Variants in CALN1 observed in about 807,000 individuals in gnomAD.
CALN1 encodes the protein calneuron 1.
In CALN1, 17 loss-of-function variants were observed where a neutral mutation model predicts 30.6. The ratio of observed to expected loss-of-function variants is 0.56; its 90% CI spans 0.38 to 0.83. The LOEUF (loss-of-function observed/expected upper bound fraction) is 0.83. Among genes scored for constraint, CALN1 ranks in the 40% least tolerant of loss-of-function variants. The pLI is 0.00. For missense variants in CALN1, 291 were observed against 354.9 expected, an observed-to-expected ratio of 0.82 and a Z score of 1.45; for synonymous variants, 156 against 131.4, an observed-to-expected ratio of 1.19 and a Z score of -1.28.
At chr7:71,890,401 CTG>C (rs1445218099) in intron 5 of CALN1, among the ~76,000 whole-genome samples, 1 of 152,184 alleles carries the variant, frequency 6.6e-6, no homozygotes, top group Non-Finnish European at 1.5e-5. Flanking sequence ...TCCAACCAGA[CTG>C]TGACATAAAA....
At chr7:72,310,923 A>T (rs56676389) in intron 2 of CALN1, among the ~76,000 whole-genome samples, 13 of 128,384 alleles carry the variant, frequency 1.0e-4, no homozygotes, top group East Asian at 6.7e-4. Flanking sequence ...AAAAAAAAAA[A>T]AAAAACAAAA....
chr7:72,309,866 A>G (rs1307929136), intron 2 of CALN1, among the ~76,000 whole-genome samples: 1 of 152,124 alleles, frequency 6.6e-6, no homozygotes, highest in Non-Finnish European at 1.5e-5. Flanking sequence ...TTGAATCAGA[A>G]ACTTAACCTG....
At chr7:72,264,063 A>G (rs1193254271) in intron 3 of CALN1, among the ~76,000 whole-genome samples, 2 of 152,200 alleles carry the variant, frequency 1.3e-5, no homozygotes, top group Non-Finnish European at 1.5e-5. Context: ...GGAGTCCCTC[A>G]TGCTAAAAGT....
At chr7:71,895,095 CA>C (rs908624429) in intron 5 of CALN1, among the ~76,000 whole-genome samples, 1 of 152,140 alleles carries the variant, frequency 6.6e-6, no homozygotes, top group African/African-American at 2.4e-5. Context: ...GCTGAGACCA[CA>C]AGGGTACATC....
intron 5 of CALN1, among the ~76,000 whole-genome samples, chr7:71,911,644 G>A (rs1367758114): frequency 6.6e-6 from 1 of 152,096 alleles, no homozygotes; most frequent in Non-Finnish European, 1.5e-5. Context: ...CTGTGCAGGT[G>A]GGTGTACAGA....
chr7:72,108,754 G>A (rs1807352507), intron 3 of CALN1, among the ~76,000 whole-genome samples: 1 of 149,302 alleles, frequency 6.7e-6, no homozygotes, highest in African/African-American at 2.5e-5. Context: ...CATGCCGCAA[G>A]ACACAGACAT....
At chr7:71,895,111 C>G (rs1038471943) in intron 5 of CALN1, among the ~76,000 whole-genome samples, 2 of 152,234 alleles carry the variant, frequency 1.3e-5, no homozygotes, top group South Asian at 4.1e-4. Context: ...TACATCACCA[C>G]GTCCAGCTAA....
chr7:72,490,184 G>A, the CALN1 span, among the ~76,000 whole-genome samples: 9 of 152,294 alleles, frequency 5.9e-5, no homozygotes, highest in Non-Finnish European at 1.0e-4. Flanking sequence ...GTCGTCTATA[G>A]TGTGTCTTTC....
At chr7:71,848,169 C>A (rs1790430726) in intron 5 of CALN1, among the ~76,000 whole-genome samples, 3 of 152,118 alleles carry the variant, frequency 2.0e-5, no homozygotes, top group Admixed American at 2.0e-4. Flanking sequence ...TTGGGAATGC[C>A]AATTTTAAAG....
At chr7:72,032,355 T>TTTTA (rs1562993969) in intron 4 of CALN1, among the ~76,000 whole-genome samples, 1 of 152,262 alleles carries the variant, frequency 6.6e-6, no homozygotes, top group East Asian at 1.9e-4. Flanking sequence ...TACTCCTGGC[T>TTTTA]AATTTTTAAA....
At chr7:72,375,520 T>G (rs1259147506) in intron 2 of CALN1, among the ~76,000 whole-genome samples, 1 of 147,690 alleles carries the variant, frequency 6.8e-6, no homozygotes, top group Admixed American at 6.9e-5. Context: ...GAGCTGTGAC[T>G]GCACCACTGT....
chr7:71,978,661 G>A (rs1354571048), intron 5 of CALN1, among the ~76,000 whole-genome samples: 1 of 152,180 alleles, frequency 6.6e-6, no homozygotes, highest in East Asian at 1.9e-4. Context: ...ATTGTTGACA[G>A]GCTTTTGCCT....
At chr7:72,310,708 A>C (rs1799978906) in intron 2 of CALN1, among the ~76,000 whole-genome samples, 1 of 151,898 alleles carries the variant, frequency 6.6e-6, no homozygotes, top group Non-Finnish European at 1.5e-5. Flanking sequence ...GTTCGAGACC[A>C]GCCTGGTCAA....
chr7:72,366,795 G>A (rs541962995), intron 2 of CALN1, among the ~76,000 whole-genome samples: 2 of 150,798 alleles, frequency 1.3e-5, no homozygotes, highest in South Asian at 4.2e-4. Flanking sequence ...GCATGTATAT[G>A]ACCTGGCAGT....
At chr7:71,868,573 C>T (rs11979418) in intron 5 of CALN1, among the ~76,000 whole-genome samples, 3,874 of 151,878 alleles carry the variant, frequency 0.026, 148 homozygotes, top group African/African-American at 0.085. Context: ...GGTTTCGCCA[C>T]GTTAGCTGGG....
At chr7:72,401,180 C>A (rs1200755150) in intron 2 of CALN1, among the ~76,000 whole-genome samples, 1 of 152,180 alleles carries the variant, frequency 6.6e-6, no homozygotes, top group Non-Finnish European at 1.5e-5. Context: ...AATACCCAGG[C>A]AGTGCTTTAC....
intron 6 of CALN1, among the ~76,000 whole-genome samples, chr7:71,798,414 G>A (rs968583966): frequency 3.3e-5 from 5 of 151,776 alleles, no homozygotes; most frequent in African/African-American, 7.3e-5. Context: ...TCTTAGGCTC[G>A]AGCAATCCCC....
At chr7:71,996,680 G>A (rs1799268674) in intron 5 of CALN1, among the ~76,000 whole-genome samples, 1 of 152,050 alleles carries the variant, frequency 6.6e-6, no homozygotes, top group African/African-American at 2.4e-5. Flanking sequence ...ATGCATGCAG[G>A]GCTTATTACC....
intron 2 of CALN1, among the ~76,000 whole-genome samples, chr7:72,353,320 A>G (rs1803042693): frequency 6.6e-6 from 1 of 152,200 alleles, no homozygotes; most frequent in African/African-American, 2.4e-5. Context: ...ATGCAAAAAA[A>G]GCCTTAACAT....
Sources: gnomAD v4.1 joint callset for allele counts (sites outside exome capture counted in the v4.1 genomes callset) on GRCh38, gnomAD v4.1.1 for gene constraint, MANE v1.5 for transcripts, NCBI Gene and HGNC (gene_info 2026-07-23, HGNC 2026-07-21) for gene names.